PTPRD: variants seen among roughly 807,000 people sequenced by gnomAD.
PTPRD encodes the protein protein tyrosine phosphatase receptor type D, also known as receptor-type tyrosine-protein phosphatase delta.
Under a neutral mutation model 214.5 loss-of-function variants are expected in PTPRD, and 34 were observed. The ratio of observed to expected loss-of-function variants is 0.16; its 90% confidence interval spans 0.12 to 0.21. The LOEUF (loss-of-function observed/expected upper bound fraction) is 0.21. PTPRD is among the 10% of genes least tolerant of loss of function. The pLI is 1.00. For missense variants in PTPRD, 2,545 were observed against 2,398.7 expected, an observed-to-expected ratio of 1.06 and a Z score of -1.27; for synonymous variants, 1,128 against 845.7, an observed-to-expected ratio of 1.33 and a Z score of -5.79.
chr9:9,360,923 A>G (rs2055886683), intron 9 of PTPRD, among the ~76,000 whole-genome samples: 3 of 151,136 alleles, frequency 2.0e-5, no homozygotes, highest in South Asian at 4.1e-4. Flanking sequence ...CCAGATGTGT[A>G]CACAGAAATT....
chr9:9,856,534 G>A (rs1486163178), intron 5 of PTPRD, among the ~76,000 whole-genome samples: 1 of 151,762 alleles, frequency 6.6e-6, no homozygotes, highest in African/African-American at 2.4e-5. Context: ...ATGGCAAGAG[G>A]AGTAAAGCCA....
intron 9 of PTPRD, among the ~76,000 whole-genome samples, chr9:9,299,255 A>G (rs1459827062): frequency 6.6e-6 from 1 of 151,812 alleles, no homozygotes; most frequent in African/African-American, 2.4e-5. Context: ...GCAAATATGC[A>G]GAAAGGTAGA....
At chr9:9,805,828 A>AT (rs2099069682) in intron 5 of PTPRD, among the ~76,000 whole-genome samples, 1 of 152,276 alleles carries the variant, frequency 6.6e-6, no homozygotes, top group African/African-American at 2.4e-5. Context: ...AAATACTCCT[A>AT]TTGAGTGAGA....
At chr9:8,938,603 G>C (rs1311684884) in intron 11 of PTPRD, among the ~76,000 whole-genome samples, 2 of 151,872 alleles carry the variant, frequency 1.3e-5, no homozygotes, top group South Asian at 4.2e-4. Flanking sequence ...TCGGTAAAAT[G>C]CCACTGTTCA....
intron 14 of PTPRD, among the ~76,000 whole-genome samples, chr9:8,624,516 G>T (rs1564796974): frequency 6.6e-6 from 1 of 151,808 alleles, no homozygotes; most frequent in Non-Finnish European, 1.5e-5. Flanking sequence ...CAGTAGTGAT[G>T]GGAGAGCCAA....
intron 9 of PTPRD, among the ~76,000 whole-genome samples, chr9:9,362,628 T>C (rs2056588988): frequency 6.6e-6 from 1 of 151,268 alleles, no homozygotes; most frequent in Non-Finnish European, 1.5e-5. Flanking sequence ...TGAAATTCAC[T>C]TACCCCTAAG....
At chr9:9,186,956 T>A (rs1285185014) in intron 9 of PTPRD, among the ~76,000 whole-genome samples, 8 of 151,854 alleles carry the variant, frequency 5.3e-5, no homozygotes, top group African/African-American at 1.9e-4. Flanking sequence ...TGTTATAAAC[T>A]GAAATTTCCA....
chr9:9,887,079 A>G (rs756860185), intron 5 of PTPRD, among the ~76,000 whole-genome samples: 4 of 152,140 alleles, frequency 2.6e-5, no homozygotes, highest in Admixed American at 6.6e-5. Context: ...ACATAATGGA[A>G]TAAGTCCCTT....
chr9:9,280,442 A>G (rs1947275915), intron 9 of PTPRD, among the ~76,000 whole-genome samples: 1 of 151,344 alleles, frequency 6.6e-6, no homozygotes. Flanking sequence ...GTTGCAGAAT[A>G]TAAGACTAAT....
intron 5 of PTPRD, among the ~76,000 whole-genome samples, chr9:9,890,348 T>C (rs1485436453): frequency 6.6e-6 from 1 of 151,758 alleles, no homozygotes; most frequent in African/African-American, 2.4e-5. Flanking sequence ...AAGTGTTCCC[T>C]CCACGCCTGG....
At chr9:8,855,069 A>C (rs2154543948) in intron 11 of PTPRD, among the ~76,000 whole-genome samples, 1 of 152,246 alleles carries the variant, frequency 6.6e-6, no homozygotes, top group South Asian at 2.1e-4. Context: ...AACTAGTATC[A>C]GAATATGAGT....
At chr9:10,294,770 C>A (rs2095627265) in intron 3 of PTPRD, among the ~76,000 whole-genome samples, 1 of 151,928 alleles carries the variant, frequency 6.6e-6, no homozygotes. Flanking sequence ...CCTTTCACTT[C>A]AGGCCAGTGC....
chr9:9,244,606 C>T (rs865944492), intron 9 of PTPRD, among the ~76,000 whole-genome samples: 2 of 152,172 alleles, frequency 1.3e-5, no homozygotes, highest in Non-Finnish European at 2.9e-5. Context: ...GAAACTGGAA[C>T]CCTTCCTTAC....
At chr9:8,878,980 C>T (rs1422904757) in intron 11 of PTPRD, among the ~76,000 whole-genome samples, 1 of 152,214 alleles carries the variant, frequency 6.6e-6, no homozygotes, top group Admixed American at 6.5e-5. Context: ...CTGTGTTCAC[C>T]AGGCTTTCCT....
intron 9 of PTPRD, among the ~76,000 whole-genome samples, chr9:9,326,353 A>G (rs1222288859): frequency 1.3e-5 from 2 of 152,148 alleles, no homozygotes; most frequent in Non-Finnish European, 2.9e-5. Context: ...ATTTTTTTCA[A>G]GAAGGGTTTG....
At chr9:10,074,237 T>C (rs1163414093) in intron 3 of PTPRD, among the ~76,000 whole-genome samples, 1 of 152,146 alleles carries the variant, frequency 6.6e-6, no homozygotes, top group African/African-American at 2.4e-5. Flanking sequence ...CATGGGCCAG[T>C]TGGCTTTATT....
At chr9:9,875,126 C>A (rs887444713) in intron 5 of PTPRD, among the ~76,000 whole-genome samples, 2 of 152,012 alleles carry the variant, frequency 1.3e-5, no homozygotes, top group Non-Finnish European at 1.5e-5. Flanking sequence ...TTACTGAGAT[C>A]CTGCATTCTC....
intron 8 of PTPRD, among the ~76,000 whole-genome samples, chr9:9,464,839 C>CA (rs1245224066): frequency 6.6e-6 from 1 of 152,134 alleles, no homozygotes; most frequent in Non-Finnish European, 1.5e-5. Context: ...AAAGGTACAG[C>CA]AAAAAGTGAC....
intron 7 of PTPRD, among the ~76,000 whole-genome samples, chr9:9,581,739 C>A (rs1470775545): frequency 1.3e-5 from 2 of 152,070 alleles, no homozygotes; most frequent in Admixed American, 6.6e-5. Context: ...GATCTTAAAT[C>A]TTGGGAAAGT....
Sources: allele counts gnomAD v4.1 joint callset (sites outside exome capture counted in the v4.1 genomes callset), GRCh38; gene constraint gnomAD v4.1.1; transcripts MANE v1.5; gene names NCBI Gene and HGNC (gene_info 2026-07-23, HGNC 2026-07-21).